Variants in APTX observed in about 807,000 individuals in gnomAD.
APTX encodes aprataxin.
Under a neutral mutation model 42.3 loss-of-function variants are expected in APTX, and 33 were observed. The ratio of observed to expected loss-of-function variants is 0.78; its 90% CI spans 0.59 to 1.04. The LOEUF (loss-of-function observed/expected upper bound fraction) is 1.04, where lower values mean the gene tolerates loss of function less well. Among genes scored for constraint, APTX ranks in the 50% least tolerant of loss-of-function variants. The pLI, the probability that APTX is intolerant of heterozygous loss-of-function variation, is 0.00. For missense variants in APTX, 421 were observed against 415.1 expected (o/e 1.01, Z -0.12); for synonymous variants, 130 against 146.7 (o/e 0.89, Z 0.82).
At chr9:33,004,813 T>A (rs992564712), upstream of APTX, among the ~76,000 whole-genome samples, 2 of 151,350 alleles carry the variant, frequency 1.3e-5, no homozygotes, top group Admixed American at 6.6e-5. Context: ...TTGTATTTTT[T>A]TTTTTTTTAG....
chr9:32,987,965 A>G (rs1009825314), intron 3 of APTX, 118 bp downstream of exon 3: 2 of 1,508,386 alleles, frequency 1.3e-6, no homozygotes, highest in African/African-American at 2.8e-5. Context: ...GTTCACCTAT[A>G]TTACTCCATC....
At chr9:32,988,201 G>A (rs764458907) in intron 2 of APTX, 72 bp from the exon 3 acceptor site, 3 of 1,403,150 alleles carry the variant, frequency 2.1e-6, no homozygotes, top group South Asian at 2.3e-5. Flanking sequence ...CTTCCCTAAA[G>A]AAAACAAGCT....
At chr9:32,990,078 G>C in intron 1 of APTX, 183 bp from the exon 2 acceptor site, 1 of 693,348 alleles carries the variant, frequency 1.4e-6, no homozygotes, top group Non-Finnish European at 2.5e-6. Context: ...TCAGGAGGCT[G>C]TTGTGAAAAT....
At chr9:33,006,593 T>C (rs140667151), upstream of APTX, among the ~76,000 whole-genome samples, 539 of 152,234 alleles carry the variant, frequency 3.5e-3, no homozygotes, top group African/African-American at 0.012. Flanking sequence ...TATGAAATTC[T>C]GAGAGAGAGT....
intron 1 of APTX, among the ~76,000 whole-genome samples, chr9:33,022,337 A>C (rs1310143599): frequency 1.3e-5 from 2 of 152,246 alleles, no homozygotes; most frequent in Non-Finnish European, 2.9e-5. Context: ...TTACTAACAA[A>C]GAAACTCGAA....
At chr9:32,986,587 C>T (rs963562171) in intron 4 of APTX, among the ~76,000 whole-genome samples, 1 of 151,954 alleles carries the variant, frequency 6.6e-6, no homozygotes, top group Non-Finnish European at 1.5e-5. Flanking sequence ...ACTGCAACCT[C>T]TGCCTCCCGG....
At position 32,987,634 on chromosome 9, in the gene APTX, T is replaced by C; in HGVS notation, c.393A>G (p.Glu131=). 3 of 1,614,234 alleles carry C rather than the reference T, an allele frequency of 1.9e-6. No individual in the cohort carries two copies. Among genetic ancestry groups the C allele is most frequent in the Middle Eastern group, 3.3e-4 (2 of 6,062 alleles). The change falls in exon 4 of 8, where the codon GAA becomes GAG. Residue 131 remains glutamate, a synonymous_variant. Transcript: ENST00000379817. Reference sequence around the variant, plus strand: ...GTTCCAGCCCTGTCCCAGCCTCAGCTTCCTGAGCAGCATCCCTTTCTATAG... The same window carrying C: ...GTTCCAGCCCTGTCCCAGCCTCAGCCTCCTGAGCAGCATCCCTTTCTATAG... ...SDSIERDAAQ[E]AEAGTGLEPG...
upstream of APTX, among the ~76,000 whole-genome samples, chr9:33,005,878 T>C (rs919621194): frequency 1.3e-5 from 2 of 152,252 alleles, no homozygotes; most frequent in African/African-American, 2.4e-5. Context: ...GAATATCATT[T>C]AATCATTTAT....
Position 32,974,580 on chromosome 9 carries a change from A to AT in APTX, c.771-20_771-19insA. The AT allele has an allele frequency of 6.9e-7, 1 of 1,447,674 alleles. No individual in the cohort carries two copies. The highest frequency in any genetic ancestry group is 9.7e-7 in the Non-Finnish European group (1 of 1,034,248). The allele number at this position is 1,447,674 out of a possible 1,614,324, so 89.7% of individuals were successfully genotyped here. A position where few individuals can be genotyped will look rare whatever the true frequency, so the allele number is the denominator to read the frequency against. Reference sequence around the variant, plus strand: ...TACATGGCTAGTTGAAAGAAAAAAAAACTGAGCATTAAACTCTTTAACAAC... The same window carrying AT: ...TACATGGCTAGTTGAAAGAAAAAAAATACTGAGCATTAAACTCTTTAACAAC... On this transcript the variant is annotated intron_variant, in intron 6 of 7. Transcript: ENST00000379817.
intron 1 of APTX, among the ~76,000 whole-genome samples, chr9:33,012,248 T>C (rs1295943801): frequency 6.6e-6 from 1 of 152,136 alleles, no homozygotes; most frequent in Admixed American, 6.5e-5. Context: ...CTGTATGACT[T>C]CTTGGATATT....
chr9:33,010,248 G>A (rs1266202641), intron 1 of APTX, among the ~76,000 whole-genome samples: 1 of 152,164 alleles, frequency 6.6e-6, no homozygotes, highest in Non-Finnish European at 1.5e-5. Flanking sequence ...CATGGCTATA[G>A]GAGCCCACAC....
At chr9:33,009,636 G>A (rs182526485) in intron 1 of APTX, among the ~76,000 whole-genome samples, 16 of 152,010 alleles carry the variant, frequency 1.1e-4, no homozygotes, top group South Asian at 1.0e-3. Flanking sequence ...TAACTTAGCC[G>A]GGCACGGTGG....
chr9:32,980,690 T>G (rs1349151914), intron 6 of APTX, among the ~76,000 whole-genome samples: 2 of 152,236 alleles, frequency 1.3e-5, no homozygotes, highest in African/African-American at 4.8e-5. Context: ...AGCTGAGCTG[T>G]AGCAGCTGAG....
Position 32,972,630 on chromosome 9 carries a change from T to G in APTX, c.*868A>C. On this transcript the variant is annotated 3_prime_UTR_variant, in exon 8 of 8. Transcript: ENST00000379817. The stretch of plus-strand genomic sequence containing the variant: ...CTGAATACAACTGTTTTATCCAAAT[T>G]TATTCTCAGGGAAAAAGAAAGTAGT... 2.5e-6 allele frequency: 1 copy of G among 392,492 alleles called. No homozygotes were observed. The highest frequency in any genetic ancestry group is 5.0e-6 in the Non-Finnish European group (1 of 199,660). 24.3% of individuals were successfully genotyped at this position (392,492 alleles called of 1,614,324 possible). A position where few individuals can be genotyped will look rare whatever the true frequency, so the allele number is the denominator to read the frequency against.
chr9:33,000,267 A>G (rs189510049), intron 1 of APTX, among the ~76,000 whole-genome samples: 91 of 152,334 alleles, frequency 6.0e-4, no homozygotes, highest in Non-Finnish European at 9.7e-4. Flanking sequence ...CAACACTATT[A>G]TCACTCTTGT....
chr9:33,024,016 G>C (rs1202534390), intron 1 of APTX, among the ~76,000 whole-genome samples: 1 of 152,114 alleles, frequency 6.6e-6, no homozygotes, highest in Non-Finnish European at 1.5e-5. Context: ...TCAAAACTCA[G>C]CTCAATTGCC....
intron 6 of APTX, among the ~76,000 whole-genome samples, chr9:32,977,407 C>A (rs537259433): frequency 6.6e-6 from 1 of 152,120 alleles, no homozygotes; most frequent in African/African-American, 2.4e-5. Context: ...TACCTGGAGC[C>A]GAGGAGTTCA....
chr9:32,975,377 T>A (rs1405996767), intron 6 of APTX, among the ~76,000 whole-genome samples: 1 of 152,236 alleles, frequency 6.6e-6, no homozygotes, highest in Non-Finnish European at 1.5e-5. Context: ...AAAGTGGGCC[T>A]ATTTTAATTT....
At chr9:32,999,625 A>G (rs532559664) in intron 1 of APTX, among the ~76,000 whole-genome samples, 2 of 152,362 alleles carry the variant, frequency 1.3e-5, no homozygotes, top group Admixed American at 6.5e-5. Flanking sequence ...GGGAAAGCAG[A>G]GGCAGAAATG....
Sources: allele counts gnomAD v4.1 joint callset (sites outside exome capture counted in the v4.1 genomes callset), GRCh38; gene constraint gnomAD v4.1.1; transcripts MANE v1.5; gene names NCBI Gene and HGNC (gene_info 2026-07-23, HGNC 2026-07-21).